The following MPRIP variants were observed in gnomAD, a reference collection of about 807,000 sequenced individuals.
The protein encoded by MPRIP is myosin phosphatase Rho interacting protein.
MPRIP carries 59 observed loss-of-function variants against 234.9 expected under a neutral mutation model. That is an observed-to-expected ratio of 0.25 (90% confidence interval 0.20 to 0.31). The LOEUF is 0.31. Among genes scored for constraint, MPRIP ranks in the 10% least tolerant of loss-of-function variants. The pLI, the probability that MPRIP is intolerant of heterozygous loss-of-function variation, is 1.00. For missense variants in MPRIP, 2,436 were observed against 3,071.0 expected, an observed-to-expected ratio of 0.79 and a Z score of 4.89; for synonymous variants, 1,144 against 1,263.9, an observed-to-expected ratio of 0.91 and a Z score of 2.01.
rs2046447148 is a variant in MPRIP, at chr17:17,184,964, A to G, written c.*70A>G. ...CAGCACACCCCAAGCGCTGCTTTTC[A>G]CCTGTACCTTTGTTTTATTATTATT... On this transcript the variant is annotated 3_prime_UTR_variant, in exon 24 of 24. Coordinates refer to ENST00000651222, the MANE Select transcript of MPRIP (RefSeq NM_001364716.4). 2 of 980,374 alleles carry G rather than the reference A, an allele frequency of 2.0e-6. No individual in the cohort carries two copies. The highest frequency in any genetic ancestry group is 4.9e-5 in the East Asian group (2 of 41,164). 60.7% of individuals were successfully genotyped at this position (980,374 alleles called of 1,614,324 possible).
Position 17,164,882 on chromosome 17 carries a change from A to G in MPRIP, c.3291A>G (p.Ala1097=). The G allele has an allele frequency of 7.7e-7, 1 of 1,303,986 alleles. No individual in the cohort carries two copies. The highest frequency in any genetic ancestry group is 1.2e-5 in the South Asian group (1 of 81,022). The allele number at this position is 1,303,986 out of a possible 1,614,324, so 80.8% of individuals were successfully genotyped here. A position where few individuals can be genotyped will look rare whatever the true frequency, so the allele number is the denominator to read the frequency against. ...GAGAGGCCAGCGTGCGCAGGCTCGC[A>G]GAGCACGTGCAGAGCCTCTGTGACG... The part of the protein sequence containing the change: ...EAREASVRRL[A]EHVQSLCDER... Residue 1097 remains alanine, a synonymous_variant, in exon 16 of 24, where the codon GCA becomes GCG. Transcript: ENST00000651222.
At chr17:17,171,029 A>C (rs1332892959) in intron 16 of MPRIP, 4 of 152,184 alleles carry the variant, frequency 2.6e-5, no homozygotes, top group African/African-American at 9.7e-5. Flanking sequence ...AGAGTAAGAA[A>C]GAAGACACAG....
intron 3 of MPRIP, among the ~76,000 whole-genome samples, chr17:17,094,014 C>T (rs768718034): frequency 6.6e-6 from 1 of 152,206 alleles, no homozygotes; most frequent in Non-Finnish European, 1.5e-5. Flanking sequence ...GCATAGCTCT[C>T]CATCTGGGCT....
Position 17,167,198 on chromosome 17 carries a change from C to A in MPRIP, c.5607C>A (p.Ser1869=), listed in dbSNP as rs906285353. Residue 1869 remains serine (S), a synonymous_variant, in exon 16 of 24, where the codon TCC becomes TCA. Coordinates refer to ENST00000651222, the MANE Select transcript of MPRIP (RefSeq NM_001364716.4). The surrounding 1 kb of genome is among the most constrained non-coding windows in gnomAD (Gnocchi z 5.9). The stretch of plus-strand genomic sequence containing the variant: ...AGGAGCTCCAGCTCTGCAAGGAGTC[C>A]TGGCAAACCCGGGAGCCCTCCTGCT... ...YEKELQLCKE[S]WQTREPSCSE... The A allele has an allele frequency of 6.9e-6, 9 of 1,303,988 alleles. No homozygotes were observed. Among genetic ancestry groups the A allele is most frequent in the African/African-American group, 1.5e-5 (1 of 65,808 alleles). 80.8% of individuals were successfully genotyped at this position (1,303,988 alleles called of 1,614,324 possible).
At chr17:17,133,555 C>A (rs2090638207) in intron 5 of MPRIP, among the ~76,000 whole-genome samples, 2 of 152,240 alleles carry the variant, frequency 1.3e-5, no homozygotes, top group African/African-American at 4.8e-5. Flanking sequence ...ATATTTCTTT[C>A]TCCATGGCCC....
chr17:17,177,533 C>T (rs1368571442), intron 22 of MPRIP, 121 bp downstream of exon 22: 25 of 1,112,774 alleles, frequency 2.2e-5, no homozygotes, highest in Non-Finnish European at 2.8e-5. Context: ...TAGACCCAGG[C>T]ATCCCAGTGG....
chr17:17,158,213 GTCCCCC>G (rs1198679129), intron 13 of MPRIP, among the ~76,000 whole-genome samples: 3 of 138,400 alleles, frequency 2.2e-5, no homozygotes, highest in Admixed American at 1.4e-4. Context: ...TCCCCTCCCC[GTCCCCC>G]TCCCCCTCCC....
intron 1 of MPRIP, among the ~76,000 whole-genome samples, chr17:17,052,981 G>T (rs1422221790): frequency 6.6e-6 from 1 of 152,134 alleles, no homozygotes; most frequent in African/African-American, 2.4e-5. Context: ...GGAAGGGGGA[G>T]CAGCTGCAGG....
chr17:17,118,788 T>C (rs1380157660), intron 3 of MPRIP, among the ~76,000 whole-genome samples: 3 of 152,168 alleles, frequency 2.0e-5, no homozygotes, highest in Non-Finnish European at 4.4e-5. Flanking sequence ...TCTGCGGCTC[T>C]TTCCAGTTTC....
intron 1 of MPRIP, among the ~76,000 whole-genome samples, chr17:17,051,326 A>G (rs138226786): frequency 6.6e-6 from 1 of 152,190 alleles, no homozygotes; most frequent in Non-Finnish European, 1.5e-5. Flanking sequence ...ACATCCTACT[A>G]CTGGACATGG....
chr17:17,154,438 G>A, intron 13 of MPRIP, 23 bp downstream of exon 13: 2 of 1,608,762 alleles, frequency 1.2e-6, no homozygotes, highest in Non-Finnish European at 1.7e-6. Context: ...AGACACCAGG[G>A]AGCCCTTTGT....
intron 3 of MPRIP, among the ~76,000 whole-genome samples, chr17:17,118,034 G>A (rs1482694328): frequency 1.3e-5 from 2 of 152,206 alleles, no homozygotes; most frequent in East Asian, 3.9e-4. Context: ...AGTGGTTTGT[G>A]GCTCCAGCTC....
chr17:17,165,259 C>A lies in MPRIP; in HGVS notation c.3668C>A (p.Ser1223Tyr), dbSNP rs1327192604. 2 of 1,304,104 alleles carry A rather than the reference C, an allele frequency of 1.5e-6. No homozygotes were observed. Among genetic ancestry groups the A allele is most frequent in the South Asian group, 1.2e-5 (1 of 81,034 alleles). The allele number at this position is 1,304,104 out of a possible 1,614,324, so 80.8% of individuals were successfully genotyped here. A position where few individuals can be genotyped will look rare whatever the true frequency, so the allele number is the denominator to read the frequency against. Residue 1223 changes from serine to tyrosine, a missense_variant, in exon 16 of 24, where the codon TCT becomes TAT. Physicochemically the swap from Ser to Tyr is moderately radical, Grantham distance 144. Transcript: ENST00000651222. ...EEILRKFASE[S>Y]PKDMEEPRST... Reference sequence around the variant, plus strand: ...ATTTTAAGGAAATTTGCAAGTGAATCTCCAAAGGACATGGAAGAGCCACGG... The same window carrying A: ...ATTTTAAGGAAATTTGCAAGTGAATATCCAAAGGACATGGAAGAGCCACGG...
chr17:17,103,167 G>A (rs141859312), intron 3 of MPRIP, among the ~76,000 whole-genome samples: 1,545 of 152,336 alleles, frequency 0.01, 15 homozygotes, highest in Non-Finnish European at 0.015. Flanking sequence ...GGCAGCCACA[G>A]ATTAAGTCAC....
At chr17:17,149,215 C>CG (rs1216262993) in intron 11 of MPRIP, among the ~76,000 whole-genome samples, 3 of 152,068 alleles carry the variant, frequency 2.0e-5, no homozygotes, top group Middle Eastern at 3.2e-3. Flanking sequence ...CTTTGTTGTC[C>CG]GGGGGCGGTG....
intron 1 of MPRIP, among the ~76,000 whole-genome samples, chr17:17,064,986 C>T (rs1203873941): frequency 6.6e-6 from 1 of 152,072 alleles, no homozygotes; most frequent in African/African-American, 2.4e-5. Flanking sequence ...TGTGACGTTG[C>T]CAGCATTTGG....
chr17:17,167,526 G>A lies in MPRIP; in HGVS notation c.5935G>A (p.Ala1979Thr). Residue 1979 changes from alanine (A) to threonine (T), a missense_variant, in exon 16 of 24, where the codon GCC (alanine) becomes ACC (threonine). Ala to Thr is a moderately conservative substitution (Grantham distance 58, BLOSUM62 0). This residue lies in a region of MPRIP where 1,998 missense variants were observed against 2,520.3 expected (regional missense o/e 0.79). Coordinates refer to ENST00000651222, the MANE Select transcript of MPRIP (RefSeq NM_001364716.4). This position sits in a 1 kb window ranked among gnomAD's most constrained non-coding sequence, Gnocchi z 5.9. ...ERSRVLSQLDASVRDRQDMER... is the reference protein window; with the variant it reads ...ERSRVLSQLDTSVRDRQDMER... ...CAGCCGGGTCCTGAGCCAGCTGGAT[G>A]CCTCGGTCAGAGACAGGCAGGACAT... is the stretch of plus-strand genomic sequence containing the variant. 17 of 1,304,258 alleles carry A rather than the reference G, an allele frequency of 1.3e-5. No individual in the cohort carries two copies. Among genetic ancestry groups the A allele is most frequent in the Non-Finnish European group, 1.7e-5 (17 of 988,956 alleles). 80.8% of individuals were successfully genotyped at this position (1,304,258 alleles called of 1,614,324 possible).
intron 1 of MPRIP, among the ~76,000 whole-genome samples, chr17:17,073,624 A>C (rs2089254803): frequency 6.6e-6 from 1 of 152,022 alleles, no homozygotes; most frequent in Non-Finnish European, 1.5e-5. Context: ...CCGAGCTGGG[A>C]GTCACAGAGT....
intron 3 of MPRIP, among the ~76,000 whole-genome samples, chr17:17,085,945 G>T (rs1387657789): frequency 6.6e-6 from 1 of 152,184 alleles, no homozygotes; most frequent in African/African-American, 2.4e-5. Context: ...GACCAGACCG[G>T]ACCAACCTCC....
Sources: allele counts gnomAD v4.1 joint callset (sites outside exome capture counted in the v4.1 genomes callset), GRCh38; gene constraint gnomAD v4.1.1; regional missense constraint gnomAD v4.1.1; non-coding constraint Gnocchi (gnomAD v3.1); transcripts MANE v1.5; gene names NCBI Gene and HGNC (gene_info 2026-07-23, HGNC 2026-07-21).